Variants in PHF20 observed in about 807,000 individuals in gnomAD.
The protein encoded by PHF20 is glioma-expressed antigen 2.
Under a neutral mutation model 113.5 loss-of-function variants are expected in PHF20, and 23 were observed. The observed-to-expected ratio is 0.20, with a 90% CI of 0.15 to 0.29. The LOEUF (loss-of-function observed/expected upper bound fraction) is 0.29. PHF20 is among the 10% of genes least tolerant of loss of function. The pLI, the probability that PHF20 is intolerant of heterozygous loss-of-function variation, is 1.00. For missense variants in PHF20, 943 were observed against 1,219.6 expected (o/e 0.77, Z 3.38); for synonymous variants, 434 against 457.3 (o/e 0.95, Z 0.65).
intron 2 of PHF20, among the ~76,000 whole-genome samples, chr20:35,832,463 A>T (rs1461786151): frequency 6.6e-6 from 1 of 152,208 alleles, no homozygotes; most frequent in Non-Finnish European, 1.5e-5. Context: ...CCATAAACAC[A>T]AACAAATGAA....
intron 6 of PHF20, among the ~76,000 whole-genome samples, chr20:35,864,407 AACACACACACACACACACACAC>A (rs376477234): frequency 4.9e-4 from 65 of 132,526 alleles, no homozygotes; most frequent in Admixed American, 4.8e-3. Flanking sequence ...CCCATCTCAA[AACACACACACACACACACACAC>A]ACACACACAC....
rs555729193 is a variant in PHF20, at chr20:35,938,749, T to G, written c.2353T>G (p.Ser785Ala). ...PLWCQPWKQH[S>A]GEGRSHFRNI... is the part of the protein sequence containing the mutation. ...GTGGTGCCAGCCTTGGAAACAGCAC[T>G]CAGGGGAGGGGAGATCTCATTTCAG... Residue 785 changes from serine (S) to alanine (A), a missense_variant, in exon 16 of 18, where the codon TCA becomes GCA. Physicochemically the swap from Ser to Ala is moderately conservative, Grantham distance 99 (BLOSUM62 1). This residue lies in a region of PHF20 where 349 missense variants were observed against 412.3 expected (regional missense o/e 0.85). Coordinates refer to ENST00000374012, the MANE Select transcript of PHF20 (RefSeq NM_016436.5). 4.3e-6 allele frequency: 7 copies of G among 1,613,920 alleles called. 1 individual carries two copies. The East Asian group carries it at 1.6e-4, about 36-fold the overall frequency.
chr20:35,873,731 T>G (rs1350409764), intron 9 of PHF20, among the ~76,000 whole-genome samples: 8 of 152,102 alleles, frequency 5.3e-5, no homozygotes, highest in African/African-American at 1.9e-4. Flanking sequence ...TTTCTTGTTT[T>G]TTAGGTTAAC....
intron 1 of PHF20, among the ~76,000 whole-genome samples, chr20:35,794,955 G>C (rs574975886): frequency 1.3e-5 from 2 of 152,196 alleles, no homozygotes; most frequent in South Asian, 2.1e-4. Flanking sequence ...ACTTTGGGAG[G>C]CTGAGGTGGG....
chr20:35,801,571 G>A lies in PHF20; in HGVS notation c.49G>A (p.Ala17Thr), dbSNP rs779413542. The change falls in exon 2 of 18, where the codon GCC (alanine) becomes ACC (threonine). Residue 17 changes from alanine (A) to threonine (T), a missense_variant. This residue lies in a region of PHF20 where 592 missense variants were observed against 787.2 expected (regional missense o/e 0.75). Transcript: ENST00000374012. ...ACGAGGAATCAGCTTTGAAGTGGGA[G>A]CCCAGTTGGAAGCCCGGGACCGTTT... is the stretch of plus-strand genomic sequence containing the variant. The part of the protein sequence containing the change: ...NRRGISFEVG[A>T]QLEARDRLKN... 1.4e-5 allele frequency: 23 copies of A among 1,613,762 alleles called. No individual in the cohort carries two copies. Among genetic ancestry groups the A allele is most frequent in the Non-Finnish European group, 1.9e-5 (22 of 1,179,710 alleles).
chr20:35,815,474 T>C (rs2042056308), intron 2 of PHF20, among the ~76,000 whole-genome samples: 1 of 151,726 alleles, frequency 6.6e-6, no homozygotes, highest in African/African-American at 2.4e-5. Context: ...TTTATTCTTT[T>C]TTTTTTGAGG....
chr20:35,921,326 C>CT (rs796134143), intron 13 of PHF20, among the ~76,000 whole-genome samples: 47 of 146,304 alleles, frequency 3.2e-4, no homozygotes, highest in African/African-American at 7.0e-4. Context: ...GAGTGTGCAT[C>CT]TTTTTTTTTT....
At chr20:35,852,958 G>A (rs1305266940) in intron 4 of PHF20, among the ~76,000 whole-genome samples, 3 of 147,854 alleles carry the variant, frequency 2.0e-5, no homozygotes, top group Admixed American at 1.3e-4. Context: ...CGTGGTGGCT[G>A]ACGCCTGTAA....
chr20:35,798,901 A>T (rs1165217560), intron 1 of PHF20, among the ~76,000 whole-genome samples: 1 of 152,126 alleles, frequency 6.6e-6, no homozygotes, highest in South Asian at 2.1e-4. Flanking sequence ...AGCTGGGATT[A>T]TAAGCCTGAG....
intron 5 of PHF20, among the ~76,000 whole-genome samples, chr20:35,862,772 A>G (rs2054240096): frequency 6.6e-6 from 1 of 152,158 alleles, no homozygotes. Context: ...TTTATTTTCT[A>G]GTGACTTATT....
chr20:35,812,924 TTC>T (rs1207981767), intron 2 of PHF20, among the ~76,000 whole-genome samples: 1 of 152,154 alleles, frequency 6.6e-6, no homozygotes, highest in African/African-American at 2.4e-5. Flanking sequence ...AGTTTTGTCA[TTC>T]TGTTATATTA....
At chr20:35,862,877 G>A in intron 5 of PHF20, 136 bp from the exon 6 acceptor site, 2 of 764,870 alleles carry the variant, frequency 2.6e-6, no homozygotes, top group South Asian at 4.1e-5. Context: ...GCTGTTGTCA[G>A]TGGTGCTTTG....
At chr20:35,804,244 T>C (rs1272669623) in intron 2 of PHF20, among the ~76,000 whole-genome samples, 1 of 141,914 alleles carries the variant, frequency 7.0e-6, no homozygotes, top group Non-Finnish European at 1.5e-5. Flanking sequence ...TTTTTTTTTT[T>C]TTTTTTTGAG....
At chr20:35,900,105 A>C (rs1246023965) in intron 10 of PHF20, among the ~76,000 whole-genome samples, 2 of 152,202 alleles carry the variant, frequency 1.3e-5, no homozygotes. Context: ...GCAACTGAAG[A>C]TATTTATAAT....
intron 9 of PHF20, chr20:35,878,807 T>C (rs1244488457): frequency 3.2e-6 from 2 of 630,188 alleles, no homozygotes; most frequent in East Asian, 2.8e-5. Flanking sequence ...AGTTACGTAT[T>C]ATTGTTGAAA....
At chr20:35,942,985 G>A (rs564399077) in intron 17 of PHF20, among the ~76,000 whole-genome samples, 187 of 152,050 alleles carry the variant, frequency 1.2e-3, no homozygotes, top group Non-Finnish European at 2.3e-3. Context: ...CACCAGGCCC[G>A]GCTAATTTTT....
intron 9 of PHF20, among the ~76,000 whole-genome samples, chr20:35,895,584 T>C (rs1364534795): frequency 6.6e-6 from 1 of 152,150 alleles, no homozygotes; most frequent in Non-Finnish European, 1.5e-5. Context: ...GTATTAAAGT[T>C]TTGTGTTTTG....
At chr20:35,878,504 C>A in intron 9 of PHF20, 1 of 600,128 alleles carries the variant, frequency 1.7e-6, no homozygotes. Flanking sequence ...TGATGAAGAT[C>A]AGGGATCCAA....
intron 2 of PHF20, among the ~76,000 whole-genome samples, chr20:35,836,031 T>C (rs2042433797): frequency 6.6e-6 from 1 of 152,168 alleles, no homozygotes; most frequent in Non-Finnish European, 1.5e-5. Context: ...GTTTTTTAGA[T>C]GGGGGTCTCA....
Sources: allele counts gnomAD v4.1 joint callset (sites outside exome capture counted in the v4.1 genomes callset), GRCh38; gene constraint gnomAD v4.1.1; regional missense constraint gnomAD v4.1.1; transcripts MANE v1.5; gene names NCBI Gene and HGNC (gene_info 2026-07-23, HGNC 2026-07-21).